The following UNC79 variants were observed in gnomAD, a reference collection of about 807,000 sequenced individuals.
The protein encoded by UNC79 is protein unc-79 homolog.
A neutral mutation model predicts 283.1 loss-of-function variants in UNC79; 37 were observed. The observed-to-expected ratio is 0.13, with a 90% CI of 0.10 to 0.17. The LOEUF (loss-of-function observed/expected upper bound fraction) is 0.17. Ranked by LOEUF, UNC79 falls within the 10% of genes least tolerant of loss-of-function variation. UNC79 has a pLI of 1.00. For synonymous variants in UNC79, 1,107 were observed against 1,200.2 expected (o/e 0.92, Z 1.61); for missense variants, 2,272 against 3,211.1 (o/e 0.71, Z 7.07).
intron 14 of UNC79, among the ~76,000 whole-genome samples, chr14:93,554,005 C>T (rs1228755562): frequency 6.6e-6 from 1 of 152,256 alleles, no homozygotes; most frequent in South Asian, 2.1e-4. Context: ...CAGCAAAAAT[C>T]CTTTAGTCTT....
rs1275839638 is a variant in UNC79, at chr14:93,485,198, GTATATATATGTGTA to G, written c.620-2455_620-2442del. On this transcript the variant is annotated intron_variant, in intron 4 of 48. Coordinates refer to ENST00000555664, the Ensembl canonical transcript of UNC79. ...AGAATATATATATGTATATATATGT[GTATATATATGTGTA>G]TATATATATATGTATATATATACGT... Among the ~76,000 whole-genome samples, 64 of 135,134 alleles carry G rather than the reference GTATATATATGTGTA, an allele frequency of 4.7e-4. 1 individual carries two copies. Among genetic ancestry groups the G allele is most frequent in the East Asian group, 1.0e-3 (4 of 3,924 alleles). 88.7% of individuals were successfully genotyped at this position (135,134 alleles called of 152,430 possible).
chr14:93,578,347 A>C (rs1051080468), intron 18 of UNC79, among the ~76,000 whole-genome samples: 1 of 152,248 alleles, frequency 6.6e-6, no homozygotes, highest in African/African-American at 2.4e-5. Flanking sequence ...AAAGGATGAT[A>C]CTATTGTTGG....
upstream of UNC79, among the ~76,000 whole-genome samples, chr14:93,429,927 TAGA>T (rs1273662126): frequency 2.0e-5 from 3 of 152,140 alleles, 1 homozygote; most frequent in East Asian, 3.9e-4. Flanking sequence ...GTAGGGAGAT[TAGA>T]AGATGGTCCT....
In UNC79 at chr14:93,495,716, T is replaced by C. The variant is rs548783523; in HGVS notation, c.713-695T>C. 3.3e-5 allele frequency among the ~76,000 whole-genome samples: 5 copies of C among 152,326 alleles called. No individual in the cohort carries two copies. In the East Asian group the frequency reaches 9.7e-4, roughly 29 times the overall value. ...ATTGGATTGAAGGACACGGAGGTCA[T>C]TGGTGAATAAAGTGTGAACTGCTTC... On this transcript the variant is annotated intron_variant, in intron 5 of 48. Coordinates refer to ENST00000555664, the Ensembl canonical transcript of UNC79.
In UNC79 at chr14:93,688,883, G is replaced by A; in HGVS notation, c.7085+43G>A. ...CCGGGAATGAGGGTAAAGAAGGCAG[G>A]AGACACCCCTGAGTTTCCTCGGGCT... On this transcript the variant is annotated intron_variant, in intron 44 of 48. Transcript: ENST00000555664. The surrounding 1 kb of genome is among the most constrained non-coding windows in gnomAD (Gnocchi z 4.0). 1 of 1,592,888 alleles carries A rather than the reference G, an allele frequency of 6.3e-7. No individual in the cohort carries two copies. Among genetic ancestry groups the A allele is most frequent in the Non-Finnish European group, 8.6e-7 (1 of 1,168,192 alleles).
intron 34 of UNC79, among the ~76,000 whole-genome samples, chr14:93,645,621 A>G (rs1346217869): frequency 1.3e-5 from 2 of 152,202 alleles, no homozygotes; most frequent in Non-Finnish European, 2.9e-5. Flanking sequence ...TAAGCTCAGC[A>G]TAACGCTTTC....
At chr14:93,649,173 T>C (rs926621961) in intron 35 of UNC79, among the ~76,000 whole-genome samples, 1 of 152,200 alleles carries the variant, frequency 6.6e-6, no homozygotes, top group African/African-American at 2.4e-5. Flanking sequence ...GTGTATATGA[T>C]AGCATAACTG....
chr14:93,498,347 G>A (rs181216700), intron 7 of UNC79, among the ~76,000 whole-genome samples: 1 of 152,048 alleles, frequency 6.6e-6, no homozygotes, highest in African/African-American at 2.4e-5. Flanking sequence ...CCAGCAGTTC[G>A]GGAGGCCTAG....
rs191853167 is a variant in UNC79, at chr14:93,454,603, G to A, written c.23-13068G>A. On this transcript the variant is annotated intron_variant, in intron 1 of 48. Transcript: ENST00000555664. ...CAGCCTCAGTTTTTTCGTTGGTAATGTGGAAATAATAGCAATACAACTATT... is the reference window on the plus strand; with the variant it reads ...CAGCCTCAGTTTTTTCGTTGGTAATATGGAAATAATAGCAATACAACTATT... Among the ~76,000 whole-genome samples, 265 of 152,270 alleles carry A rather than the reference G, an allele frequency of 1.7e-3. 3 individuals are homozygous for A. Among genetic ancestry groups the A allele is most frequent in the Admixed American group, 2.3e-3 (35 of 15,294 alleles).
intron 45 of UNC79, chr14:93,691,164 A>G (rs2074662865): frequency 6.3e-6 from 1 of 157,770 alleles, no homozygotes; most frequent in African/African-American, 2.4e-5. Flanking sequence ...TCTATTATTC[A>G]GATTTTCATC....
chr14:93,660,744 T>G (rs961586445), intron 39 of UNC79, among the ~76,000 whole-genome samples: 3 of 150,870 alleles, frequency 2.0e-5, no homozygotes, highest in African/African-American at 4.9e-5. Flanking sequence ...GCATGCACCA[T>G]ACACCTGGCT....
intron 31 of UNC79, among the ~76,000 whole-genome samples, chr14:93,633,322 T>G (rs770951031): frequency 1.3e-5 from 2 of 152,208 alleles, no homozygotes; most frequent in Non-Finnish European, 2.9e-5. Context: ...TATCAGCTGG[T>G]TATTTCGTAG....
upstream of UNC79, among the ~76,000 whole-genome samples, chr14:93,428,964 T>A (rs1460354408): frequency 6.6e-6 from 1 of 152,222 alleles, no homozygotes; most frequent in African/African-American, 2.4e-5. Context: ...GGTTAATTGA[T>A]GACAAATGAA....
At chr14:93,496,458 G>A in exon 6 of UNC79, 2 of 1,546,678 alleles carry the variant, frequency 1.3e-6, no homozygotes, top group Non-Finnish European at 1.7e-6. Flanking sequence ...TAAACAAGAA[G>A]TCTGGAAAGT....
rs2074414072 is a variant in UNC79, at chr14:93,688,397, CA to C, written c.6910-267del. Among the ~76,000 whole-genome samples, 3 of 151,854 alleles carry C rather than the reference CA, an allele frequency of 2.0e-5. No homozygotes were observed. Among genetic ancestry groups the C allele is most frequent in the African/African-American group, 7.3e-5 (3 of 41,280 alleles). On this transcript the variant is annotated intron_variant, in intron 43 of 48. Transcript: ENST00000555664. The surrounding 1 kb of genome is among the most constrained non-coding windows in gnomAD (Gnocchi z 4.0). ...GCATTCCAGACAAAGGGAATAGCAGCAGGGGGGAACACAGAGAGCCAACACA... is the reference window on the plus strand; with the variant it reads ...GCATTCCAGACAAAGGGAATAGCAGCGGGGGGAACACAGAGAGCCAACACA...
intron 1 of UNC79, among the ~76,000 whole-genome samples, chr14:93,398,725 T>C (rs1198174222): frequency 6.6e-6 from 1 of 152,178 alleles, no homozygotes; most frequent in Admixed American, 6.5e-5. Flanking sequence ...AGAAGGGTTT[T>C]AGAGAAGAAG....
At chr14:93,333,919 A>C (rs1429822758) in intron 1 of UNC79, among the ~76,000 whole-genome samples, 2 of 152,208 alleles carry the variant, frequency 1.3e-5, no homozygotes, top group South Asian at 4.1e-4. Flanking sequence ...ATCAGAACCC[A>C]GGCATTCTGA....
intron 26 of UNC79, 51 bp downstream of exon 27, chr14:93,605,012 G>C: frequency 6.6e-7 from 1 of 1,526,064 alleles, no homozygotes; most frequent in Admixed American, 2.0e-5. Flanking sequence ...ATCACAGGTG[G>C]ACAAGGTAGA....
intron 40 of UNC79, among the ~76,000 whole-genome samples, chr14:93,668,274 T>A (rs1233722252): frequency 3.3e-5 from 5 of 152,324 alleles, no homozygotes; most frequent in East Asian, 1.9e-4. Context: ...GACAGCTTTT[T>A]AGAACCTACA....
Sources: gnomAD v4.1 joint callset for allele counts (sites outside exome capture counted in the v4.1 genomes callset) on GRCh38, gnomAD v4.1.1 for gene constraint, Gnocchi (gnomAD v3.1) non-coding constraint, MANE v1.5 for transcripts, NCBI Gene and HGNC (gene_info 2026-07-23, HGNC 2026-07-21) for gene names.